Variants in PAK1 observed in about 807,000 individuals in gnomAD.
PAK1 encodes serine/threonine-protein kinase PAK 1.
PAK1 carries 29 observed loss-of-function variants against 67.4 expected under a neutral mutation model. That is an observed-to-expected ratio of 0.43 (90% CI 0.32 to 0.59). PAK1 has a LOEUF of 0.59. Ranked by LOEUF, PAK1 falls within the 20% of genes least tolerant of loss-of-function variation. The pLI, the probability that PAK1 is intolerant of heterozygous loss-of-function variation, is 0.07. For missense variants in PAK1, 337 were observed against 670.7 expected, an observed-to-expected ratio of 0.50 and a Z score of 5.50; for synonymous variants, 223 against 237.4, an observed-to-expected ratio of 0.94 and a Z score of 0.56.
At chr11:77,408,727 C>T (rs1285672196) in intron 1 of PAK1, among the ~76,000 whole-genome samples, 1 of 152,118 alleles carries the variant, frequency 6.6e-6, no homozygotes, top group African/African-American at 2.4e-5. Flanking sequence ...TATTTGTAAG[C>T]TATCCATCTG....
At chr11:77,420,632 C>A (rs1955208478) in intron 1 of PAK1, among the ~76,000 whole-genome samples, 1 of 152,220 alleles carries the variant, frequency 6.6e-6, no homozygotes, top group Non-Finnish European at 1.5e-5. Context: ...CAAAACAGAT[C>A]TACGGTCCAA....
intron 2 of PAK1, among the ~76,000 whole-genome samples, chr11:77,388,043 C>A (rs1462620045): frequency 5.3e-5 from 8 of 152,172 alleles, no homozygotes; most frequent in African/African-American, 1.9e-4. Context: ...GTGCCCAGGG[C>A]AAATATAGAA....
At chr11:77,359,414 A>G (rs546602317) in intron 5 of PAK1, among the ~76,000 whole-genome samples, 2 of 152,210 alleles carry the variant, frequency 1.3e-5, no homozygotes, top group Non-Finnish European at 2.9e-5. Flanking sequence ...AAAGTTTCTA[A>G]TTTTTCAAAA....
upstream of PAK1, among the ~76,000 whole-genome samples, chr11:77,477,458 C>A (rs1296121573): frequency 3.3e-5 from 5 of 150,848 alleles, no homozygotes; most frequent in Non-Finnish European, 4.4e-5. Flanking sequence ...AGACCAGGTG[C>A]CTTGGCTCAT....
At chr11:77,347,728 T>G (rs965429369) in intron 9 of PAK1, among the ~76,000 whole-genome samples, 2 of 152,240 alleles carry the variant, frequency 1.3e-5, no homozygotes, top group African/African-American at 4.8e-5. Context: ...AGGTGTGGCA[T>G]AAAGCAAATG....
chr11:77,467,828 T>C (rs995828915), intron 1 of PAK1, among the ~76,000 whole-genome samples: 2 of 152,238 alleles, frequency 1.3e-5, no homozygotes, highest in African/African-American at 4.8e-5. Flanking sequence ...TTTAAATAAG[T>C]GTCCAAGTAG....
intron 1 of PAK1, among the ~76,000 whole-genome samples, chr11:77,430,190 T>C (rs867848029): frequency 1.3e-5 from 2 of 152,010 alleles, no homozygotes; most frequent in South Asian, 4.1e-4. Flanking sequence ...ATGTGTCTCA[T>C]AGTGATTAAA....
At chr11:77,527,618 C>A in the PAK1 span, among the ~76,000 whole-genome samples, 2 of 152,160 alleles carry the variant, frequency 1.3e-5, no homozygotes, top group Non-Finnish European at 1.5e-5. Flanking sequence ...ATTCCAAAGC[C>A]AAGATCTTTC....
intron 2 of PAK1, among the ~76,000 whole-genome samples, chr11:77,386,786 AT>A (rs1029686376): frequency 6.6e-6 from 1 of 152,028 alleles, no homozygotes; most frequent in Non-Finnish European, 1.5e-5. Flanking sequence ...TTAATTAATT[AT>A]TTTTGAGACA....
chr11:77,444,489 CT>C (rs1390579733), intron 1 of PAK1, among the ~76,000 whole-genome samples: 1 of 152,168 alleles, frequency 6.6e-6, no homozygotes, highest in Non-Finnish European at 1.5e-5. Flanking sequence ...CCCTCGTTTT[CT>C]AATGTGAAAT....
intron 5 of PAK1, among the ~76,000 whole-genome samples, chr11:77,372,046 T>C (rs1279754371): frequency 6.6e-6 from 1 of 152,258 alleles, no homozygotes; most frequent in African/African-American, 2.4e-5. Flanking sequence ...TCTGTTTTTC[T>C]GCCTATGAAA....
At chr11:77,354,917 T>C (rs1466089389) in intron 7 of PAK1, among the ~76,000 whole-genome samples, 1 of 152,224 alleles carries the variant, frequency 6.6e-6, no homozygotes, top group African/African-American at 2.4e-5. Context: ...TGCAGTTTAC[T>C]GAAACACAGA....
intron 1 of PAK1, among the ~76,000 whole-genome samples, chr11:77,428,727 T>C (rs757473473): frequency 2.5e-4 from 38 of 151,614 alleles, no homozygotes; most frequent in Non-Finnish European, 2.7e-4. Context: ...GCATCCACAT[T>C]TGGGGCAGGG....
chr11:77,345,503 A>G (rs1176703861), intron 9 of PAK1, among the ~76,000 whole-genome samples: 2 of 152,228 alleles, frequency 1.3e-5, no homozygotes, highest in Non-Finnish European at 2.9e-5. Context: ...CAAGAAGTAT[A>G]AAGAAGGAAT....
chr11:77,440,442 G>A (rs1438569022), intron 1 of PAK1, among the ~76,000 whole-genome samples: 1 of 151,868 alleles, frequency 6.6e-6, no homozygotes, highest in Non-Finnish European at 1.5e-5. Flanking sequence ...TTACTATAAG[G>A]GTAAGTACCA....
At chr11:77,526,545 T>TATTATATG in the PAK1 span, among the ~76,000 whole-genome samples, 3 of 152,168 alleles carry the variant, frequency 2.0e-5, no homozygotes, top group African/African-American at 7.2e-5. Context: ...TGCAGAACAA[T>TATTATATG]ATTATATGTG....
intron 9 of PAK1, among the ~76,000 whole-genome samples, chr11:77,344,411 G>A (rs770355643): frequency 9.9e-5 from 15 of 152,162 alleles, no homozygotes; most frequent in Non-Finnish European, 2.1e-4. Flanking sequence ...TGAACCTGGC[G>A]TAGAAAGATA....
At chr11:77,339,752 A>ATC (rs143419828) in intron 11 of PAK1, among the ~76,000 whole-genome samples, 2,825 of 152,042 alleles carry the variant, frequency 0.019, 87 homozygotes, top group African/African-American at 0.064. Flanking sequence ...TCTGAACCTC[A>ATC]TCTCATCTTC....
At chr11:77,334,398 T>C (rs572547034) in intron 13 of PAK1, among the ~76,000 whole-genome samples, 2 of 152,258 alleles carry the variant, frequency 1.3e-5, no homozygotes, top group African/African-American at 2.4e-5. Context: ...TTTCCAATAA[T>C]CAGAGATATT....
Sources: allele counts gnomAD v4.1 joint callset (sites outside exome capture counted in the v4.1 genomes callset), GRCh38; gene constraint gnomAD v4.1.1; transcripts MANE v1.5; gene names NCBI Gene and HGNC (gene_info 2026-07-23, HGNC 2026-07-21).